PRELID2: variants seen among roughly 807,000 people sequenced by gnomAD.
The protein encoded by PRELID2 is PRELI domain-containing protein 2.
Under a neutral mutation model 28.4 loss-of-function variants are expected in PRELID2, and 25 were observed. The observed-to-expected ratio is 0.88, with a 90% CI of 0.64 to 1.23. The LOEUF is 1.23. Ranked by LOEUF, PRELID2 falls within the 50% of genes most tolerant of loss-of-function variation. The pLI, the probability that PRELID2 is intolerant of heterozygous loss-of-function variation, is 0.00. For missense variants in PRELID2, 201 were observed against 214.4 expected (o/e 0.94, Z 0.39); for synonymous variants, 76 against 71.6 (o/e 1.06, Z -0.31).
chr5:145,742,182 TTATA>T (rs1201887954), intron 1 of PRELID2, among the ~76,000 whole-genome samples: 2 of 73,116 alleles, frequency 2.7e-5, no homozygotes, highest in African/African-American at 9.5e-5. Context: ...AATTATAAAT[TTATA>T]TATAAATAAT....
chr5:145,474,620 C>T (rs1380951393), intron 1 of PRELID2, among the ~76,000 whole-genome samples: 1 of 152,130 alleles, frequency 6.6e-6, no homozygotes, highest in Non-Finnish European at 1.5e-5. Context: ...ATCATAATTG[C>T]TACATTGGCT....
the PRELID2 span, among the ~76,000 whole-genome samples, chr5:145,345,892 T>C: frequency 6.8e-6 from 1 of 146,574 alleles, no homozygotes; most frequent in Non-Finnish European, 1.5e-5. Context: ...GAATCACAAA[T>C]ACACTGTGGG....
chr5:145,493,365 T>TG (rs1752284341), intron 1 of PRELID2, among the ~76,000 whole-genome samples: 1 of 152,200 alleles, frequency 6.6e-6, no homozygotes, highest in Non-Finnish European at 1.5e-5. Flanking sequence ...TCCAGTTTTT[T>TG]CACTTTGCTC....
chr5:145,290,278 C>T, the PRELID2 span, among the ~76,000 whole-genome samples: 24 of 152,258 alleles, frequency 1.6e-4, no homozygotes, highest in African/African-American at 5.8e-4. Flanking sequence ...ATAAATCATG[C>T]TGCTATAAAG....
At chr5:145,451,254 A>G in the PRELID2 span, among the ~76,000 whole-genome samples, 1 of 152,048 alleles carries the variant, frequency 6.6e-6, no homozygotes, top group Non-Finnish European at 1.5e-5. Context: ...CAAGCACTCC[A>G]CAGTCATTCA....
intron 1 of PRELID2, among the ~76,000 whole-genome samples, chr5:145,582,195 G>A (rs544887890): frequency 1.8e-4 from 27 of 152,038 alleles, no homozygotes; most frequent in Admixed American, 3.3e-4. Flanking sequence ...GTATTAGTCC[G>A]TTTTCACACT....
chr5:145,744,568 T>C (rs1367304814), intron 1 of PRELID2, among the ~76,000 whole-genome samples: 1 of 152,102 alleles, frequency 6.6e-6, no homozygotes, highest in Non-Finnish European at 1.5e-5. Flanking sequence ...ACCAGATGAA[T>C]AGGGCCTGAA....
At chr5:145,565,375 T>C (rs6859315) in intron 1 of PRELID2, among the ~76,000 whole-genome samples, 30,753 of 152,186 alleles carry the variant, frequency 0.2, 5,644 homozygotes, top group African/African-American at 0.48. Flanking sequence ...ACATTGGCAC[T>C]GCTTGCTGCA....
intron 1 of PRELID2, among the ~76,000 whole-genome samples, chr5:145,613,575 C>T (rs982646269): frequency 3.3e-5 from 5 of 151,588 alleles, no homozygotes; most frequent in African/African-American, 4.8e-5. Flanking sequence ...AAACAAACAC[C>T]GCATGTTCTC....
Position 145,835,329 on chromosome 5 carries a change from A to T in PRELID2, c.-78T>A. The T allele has an allele frequency of 1.1e-6, 1 of 948,432 alleles. No homozygotes were observed. Among genetic ancestry groups the T allele is most frequent in the South Asian group, 1.5e-5 (1 of 66,552 alleles). The allele number at this position is 948,432 out of a possible 1,614,324, so 58.8% of individuals were successfully genotyped here. A position where few individuals can be genotyped will look rare whatever the true frequency, so the allele number is the denominator to read the frequency against. On this transcript the variant is annotated 5_prime_UTR_variant, in exon 1 of 7. Coordinates refer to ENST00000683046, the MANE Select transcript of PRELID2 (RefSeq NM_205846.3). ...TGCCCAGGGCTCCGCAGAGGCCCGG[A>T]GGCGCCCACACTCGGACAGCCACAT...
At chr5:145,503,481 C>G (rs917362254) in intron 1 of PRELID2, among the ~76,000 whole-genome samples, 4 of 152,100 alleles carry the variant, frequency 2.6e-5, no homozygotes, top group Non-Finnish European at 5.9e-5. Flanking sequence ...TATTAAGCTC[C>G]TACTAGATAT....
At chr5:145,272,275 T>C in the PRELID2 span, among the ~76,000 whole-genome samples, 4,601 of 152,254 alleles carry the variant, frequency 0.03, 90 homozygotes, top group Non-Finnish European at 0.046. Flanking sequence ...GTCATGGGAC[T>C]TGATCAGGCA....
chr5:145,646,878 C>A (rs1444026733), intron 1 of PRELID2, among the ~76,000 whole-genome samples: 1 of 152,132 alleles, frequency 6.6e-6, no homozygotes, highest in Non-Finnish European at 1.5e-5. Flanking sequence ...GCTGCCTGTT[C>A]CTTCCTCTGG....
the PRELID2 span, among the ~76,000 whole-genome samples, chr5:145,358,040 G>A: frequency 1.5e-3 from 223 of 151,912 alleles, no homozygotes; most frequent in Non-Finnish European, 2.8e-3. Context: ...TCTGATTACT[G>A]TCTCCATGCC....
At chr5:145,813,957 T>C (rs1056088299) in intron 4 of PRELID2, among the ~76,000 whole-genome samples, 28 of 152,216 alleles carry the variant, frequency 1.8e-4, no homozygotes, top group African/African-American at 1.4e-4. Context: ...ACCACAACAC[T>C]GTTTGTAAGA....
the PRELID2 span, among the ~76,000 whole-genome samples, chr5:145,234,273 G>A: frequency 1.3e-5 from 2 of 151,922 alleles, no homozygotes; most frequent in Non-Finnish European, 2.9e-5. Context: ...GCTTACTCTG[G>A]CCCAAACACT....
chr5:145,488,985 C>T (rs1000011553), intron 1 of PRELID2, among the ~76,000 whole-genome samples: 21 of 151,870 alleles, frequency 1.4e-4, no homozygotes, highest in Admixed American at 3.3e-4. Context: ...GACCCAGGGG[C>T]GACTAGTTTG....
intron 1 of PRELID2, among the ~76,000 whole-genome samples, chr5:145,715,302 G>A (rs190314148): frequency 6.6e-6 from 1 of 151,962 alleles, no homozygotes; most frequent in Non-Finnish European, 1.5e-5. Context: ...CAAAATCAAT[G>A]CAATAGCAAA....
the PRELID2 span, among the ~76,000 whole-genome samples, chr5:145,398,087 C>A: frequency 2.0e-5 from 3 of 152,080 alleles, no homozygotes; most frequent in African/African-American, 7.2e-5. Flanking sequence ...CTAGCCATGG[C>A]AGGGACCAGA....
Sources: allele counts gnomAD v4.1 joint callset (sites outside exome capture counted in the v4.1 genomes callset), GRCh38; gene constraint gnomAD v4.1.1; transcripts MANE v1.5; gene names NCBI Gene and HGNC (gene_info 2026-07-23, HGNC 2026-07-21).